The following CNBD1 variants were observed in gnomAD, a reference collection of about 807,000 sequenced individuals.
CNBD1 encodes the protein cyclic nucleotide binding domain containing 1.
Under a neutral mutation model 54.4 loss-of-function variants are expected in CNBD1, and 71 were observed. The ratio of observed to expected loss-of-function variants is 1.30; its 90% CI spans 1.08 to 1.59. The LOEUF is 1.59. Ranked by LOEUF, CNBD1 falls within the 40% of genes most tolerant of loss-of-function variation. The pLI is 0.00. For synonymous variants in CNBD1, 182 were observed against 170.7 expected (o/e 1.07, Z -0.51); for missense variants, 659 against 518.0 (o/e 1.27, Z -2.64).
intron 4 of CNBD1, among the ~76,000 whole-genome samples, chr8:87,014,473 T>A (rs1288245418): frequency 6.6e-6 from 1 of 152,084 alleles, no homozygotes; most frequent in East Asian, 1.9e-4. Flanking sequence ...CCCTTAAAAC[T>A]AACCATAAGC....
intron 4 of CNBD1, among the ~76,000 whole-genome samples, chr8:87,128,802 A>G (rs1812053274): frequency 6.6e-6 from 1 of 151,432 alleles, no homozygotes; most frequent in Non-Finnish European, 1.5e-5. Context: ...TGCTATGTTC[A>G]GCCGGGTGCA....
chr8:86,950,052 GTTTTTTTTTTTTT>G (rs55781806), intron 4 of CNBD1, among the ~76,000 whole-genome samples: 1 of 14,330 alleles, frequency 7.0e-5, no homozygotes, highest in Non-Finnish European at 1.2e-4. Context: ...TGCCTCCCGG[GTTTTTTTTTTTTT>G]TTTTTTTTTT....
At chr8:87,347,700 C>T (rs574713933) in intron 8 of CNBD1, among the ~76,000 whole-genome samples, 2 of 152,132 alleles carry the variant, frequency 1.3e-5, no homozygotes, top group Non-Finnish European at 2.9e-5. Context: ...TTGGGCTGGA[C>T]ATCAAATCTG....
chr8:87,051,597 G>A (rs1810312554), intron 4 of CNBD1, among the ~76,000 whole-genome samples: 8 of 152,150 alleles, frequency 5.3e-5, no homozygotes, highest in Admixed American at 5.2e-4. Flanking sequence ...ATTCCTTATG[G>A]GAAACAAAGG....
At chr8:87,245,218 G>A (rs137942205) in intron 6 of CNBD1, among the ~76,000 whole-genome samples, 170 of 151,976 alleles carry the variant, frequency 1.1e-3, no homozygotes, top group African/African-American at 3.7e-3. Context: ...CAAACATTGG[G>A]TCATAGTAAA....
At position 87,251,062 on chromosome 8, in the gene CNBD1, T is replaced by C. The variant is rs192080612; in HGVS notation, c.771+13950T>C. ...ACCCTTATTTGATCTCTGTACATTG[T>C]ATTCCTATATCAAAACATCACATGT... On this transcript the variant is annotated intron_variant, in intron 6 of 10. Coordinates refer to ENST00000518476, the MANE Select transcript of CNBD1 (RefSeq NM_173538.3). Among the ~76,000 whole-genome samples the C allele has an allele frequency of 8.7e-4, 133 of 152,268 alleles. 1 individual carries two copies. The highest frequency in any genetic ancestry group is 8.5e-3 in the Admixed American group (130 of 15,284).
intron 3 of CNBD1, among the ~76,000 whole-genome samples, chr8:86,905,938 T>A (rs1809010834): frequency 6.6e-6 from 1 of 152,222 alleles, no homozygotes; most frequent in African/African-American, 2.4e-5. Context: ...ACTATTCAAG[T>A]AGAGTTGATC....
At chr8:87,155,913 G>T (rs1217791275) in intron 4 of CNBD1, among the ~76,000 whole-genome samples, 1 of 152,020 alleles carries the variant, frequency 6.6e-6, no homozygotes, top group Non-Finnish European at 1.5e-5. Flanking sequence ...TTACACACAT[G>T]CTCTCATTTA....
At chr8:87,359,337 T>G (rs1004767885) in intron 10 of CNBD1, among the ~76,000 whole-genome samples, 1 of 152,132 alleles carries the variant, frequency 6.6e-6, no homozygotes, top group African/African-American at 2.4e-5. Flanking sequence ...AGAGTGATGT[T>G]CTAAAGCTGC....
intron 2 of CNBD1, among the ~76,000 whole-genome samples, chr8:87,400,822 T>C (rs1231083628): frequency 2.6e-5 from 4 of 152,010 alleles, no homozygotes; most frequent in Admixed American, 6.6e-5. Context: ...CTGGTTGACA[T>C]AGTGATTTCA....
chr8:87,224,200 C>G (rs1445658234), intron 5 of CNBD1, among the ~76,000 whole-genome samples: 13 of 151,688 alleles, frequency 8.6e-5, no homozygotes, highest in South Asian at 2.1e-4. Flanking sequence ...GTTGCCTGTT[C>G]ACTCTGATGG....
chr8:87,410,809 C>T (rs1051509475), intron 2 of CNBD1, among the ~76,000 whole-genome samples: 1 of 152,078 alleles, frequency 6.6e-6, no homozygotes, highest in Non-Finnish European at 1.5e-5. Flanking sequence ...GAGAAACTGC[C>T]ACAGCCACCC....
chr8:87,185,933 T>C (rs988532723), intron 4 of CNBD1, among the ~76,000 whole-genome samples: 1 of 152,260 alleles, frequency 6.6e-6, no homozygotes, highest in East Asian at 1.9e-4. Flanking sequence ...TTCTTTATCA[T>C]AGAAATTTTC....
intron 2 of CNBD1, among the ~76,000 whole-genome samples, chr8:86,891,277 T>C (rs879465875): frequency 2.2e-4 from 34 of 152,200 alleles, no homozygotes; most frequent in Non-Finnish European, 4.1e-4. Context: ...TGGTGAGAGA[T>C]AAGGGTCTAA....
chr8:86,880,481 G>C (rs894985865), intron 1 of CNBD1, among the ~76,000 whole-genome samples: 1 of 152,110 alleles, frequency 6.6e-6, no homozygotes, highest in African/African-American at 2.4e-5. Context: ...GATGTGCATA[G>C]GTTATCTGAA....
chr8:86,967,064 AG>A (rs1808096452), intron 4 of CNBD1, among the ~76,000 whole-genome samples: 1 of 152,118 alleles, frequency 6.6e-6, no homozygotes, highest in African/African-American at 2.4e-5. Context: ...TAGACAGAAA[AG>A]TTCTCCAAGT....
chr8:87,352,142 T>C (rs1395154497), intron 9 of CNBD1, among the ~76,000 whole-genome samples: 1 of 152,132 alleles, frequency 6.6e-6, no homozygotes, highest in Non-Finnish European at 1.5e-5. Context: ...CCACTCCAGA[T>C]AGTTTCTCCA....
At chr8:87,283,192 A>G (rs1042661524) in intron 6 of CNBD1, among the ~76,000 whole-genome samples, 2 of 152,094 alleles carry the variant, frequency 1.3e-5, no homozygotes, top group Non-Finnish European at 1.5e-5. Context: ...TCTTTAATCT[A>G]CAAATTATTG....
chr8:87,129,491 A>G (rs540885965), intron 4 of CNBD1, among the ~76,000 whole-genome samples: 4 of 152,086 alleles, frequency 2.6e-5, no homozygotes, highest in Non-Finnish European at 5.9e-5. Context: ...TTCTTGATCA[A>G]TCTGCTGAGA....
Sources: gnomAD v4.1 joint callset for allele counts (sites outside exome capture counted in the v4.1 genomes callset) on GRCh38, gnomAD v4.1.1 for gene constraint, MANE v1.5 for transcripts, NCBI Gene and HGNC (gene_info 2026-07-23, HGNC 2026-07-21) for gene names.